BIN1: variants seen among roughly 807,000 people sequenced by gnomAD.
BIN1 encodes bridging integrator 1.
In BIN1, 53 loss-of-function variants were observed where a neutral mutation model predicts 82.0. That is an observed-to-expected ratio of 0.65 (90% CI 0.52 to 0.81). The LOEUF (loss-of-function observed/expected upper bound fraction) is 0.81. BIN1 is among the 40% of genes least tolerant of loss of function. The pLI is 0.00. For synonymous variants in BIN1, 302 were observed against 328.0 expected (o/e 0.92, Z 0.86); for missense variants, 642 against 784.4 (o/e 0.82, Z 2.17).
chr2:127,063,806 T>G, intron 8 of BIN1, 127 bp downstream of exon 8: 4 of 1,430,556 alleles, frequency 2.8e-6, no homozygotes, highest in Non-Finnish European at 3.9e-6. Flanking sequence ...GCACACAGGC[T>G]GGGCACCGCA....
intron 1 of BIN1, among the ~76,000 whole-genome samples, chr2:127,083,119 C>G (rs1240542722): frequency 6.9e-6 from 1 of 145,078 alleles, no homozygotes; most frequent in African/African-American, 2.6e-5. Flanking sequence ...TCTTTTCTTG[C>G]TATGTCGTCC....
intron 5 of BIN1, 30 bp downstream of exon 5, chr2:127,069,965 G>A: frequency 6.2e-7 from 1 of 1,606,214 alleles, no homozygotes; most frequent in Non-Finnish European, 8.5e-7. Context: ...CCAGGCCAGA[G>A]CAGGGCAGAT....
Position 127,051,250 on chromosome 2 carries a change from C to A in BIN1, c.1372-7G>T, listed in dbSNP as rs777558116. The A allele has an allele frequency of 1.6e-5, 26 of 1,613,562 alleles. No individual in the cohort carries two copies. In the Admixed American group the frequency reaches 4.3e-4, roughly 27 times the overall value. The stretch of plus-strand genomic sequence containing the variant: ...CCTCCGAGGCCTCTGCTGGCTGCAA[C>A]ATAAATGCCGGCTTGGGGTCAGACA... On this transcript the variant is annotated splice_polypyrimidine_tract_variant and splice_region_variant and intron_variant, in intron 15 of 18. Coordinates refer to ENST00000316724, the MANE Select transcript of BIN1 (RefSeq NM_139343.3).
intron 1 of BIN1, among the ~76,000 whole-genome samples, chr2:127,100,690 G>A (rs1229868055): frequency 6.6e-6 from 1 of 152,096 alleles, no homozygotes; most frequent in Admixed American, 6.5e-5. Flanking sequence ...TTCTCTCCTC[G>A]GCTCCCCAGC....
chr2:127,057,650 C>T lies in BIN1; in HGVS notation c.1003-49G>A, dbSNP rs779741873. ...GGCCGCGCGGGAAGGCACAGCAGAG[C>T]ACGGGGTTTGGGGGAGACAGACAGA... On this transcript the variant is annotated intron_variant, in intron 11 of 18. Coordinates refer to ENST00000316724, the MANE Select transcript of BIN1 (RefSeq NM_139343.3). The surrounding 1 kb of genome is among the most constrained non-coding windows in gnomAD (Gnocchi z 5.0). 6.8e-7 allele frequency: 1 copy of T among 1,471,320 alleles called. No individual in the cohort carries two copies. 91.1% of individuals were successfully genotyped at this position (1,471,320 alleles called of 1,614,324 possible).
Position 127,067,064 on chromosome 2 carries a change from C to T in BIN1, c.612+1099G>A, listed in dbSNP as rs1317580177. ...CCAGCCAGGGGAACGGAGAGAAACC[C>T]GTTCAAAAAAAAAAAAAAAATAGAA... On this transcript the variant is annotated intron_variant, in intron 7 of 18. Coordinates refer to ENST00000316724, the MANE Select transcript of BIN1 (RefSeq NM_139343.3). This position sits in a 1 kb window ranked among gnomAD's most constrained non-coding sequence, Gnocchi z 4.7. Among the ~76,000 whole-genome samples, 3 of 115,406 alleles carry T rather than the reference C, an allele frequency of 2.6e-5. No homozygotes were observed. Among genetic ancestry groups the T allele is most frequent in the Admixed American group, 1.5e-4 (2 of 12,918 alleles). The allele number at this position is 115,406 out of a possible 152,430, so 75.7% of individuals were successfully genotyped here. A position where few individuals can be genotyped will look rare whatever the true frequency, so the allele number is the denominator to read the frequency against.
intron 2 of BIN1, among the ~76,000 whole-genome samples, chr2:127,073,807 G>A (rs1316979084): frequency 6.6e-6 from 1 of 152,176 alleles, no homozygotes; most frequent in African/African-American, 2.4e-5. Flanking sequence ...CGGACCCTAG[G>A]AAGAAGAGCT....
rs1414423215 is a variant in BIN1 at position 127,053,890 on chromosome 2, G to A, written c.1239+15C>T. The A allele has an allele frequency of 1.9e-6, 3 of 1,549,656 alleles. No individual in the cohort carries two copies. Among genetic ancestry groups the A allele is most frequent in the Non-Finnish European group, 2.6e-6 (3 of 1,145,986 alleles). ...GAAGCTGGTGGGCCCATGGGCAGTG[G>A]TGGGCACAACCAACCTGACCAGAGG... On this transcript the variant is annotated intron_variant, in intron 13 of 18. Transcript: ENST00000316724.
intron 11 of BIN1, 64 bp downstream of exon 11, chr2:127,058,947 C>T: frequency 1.9e-6 from 3 of 1,545,074 alleles, no homozygotes; most frequent in Non-Finnish European, 2.6e-6. Context: ...GGATGGAGGA[C>T]AACAGCAAAG....
At position 127,048,561 on chromosome 2, in the gene BIN1, C is replaced by A. The variant is rs759691190; in HGVS notation, c.1747G>T (p.Val583Phe). ...QHKELEKCRG[V>F]FPENFTERVP Reference sequence around the variant, plus strand: ...CTCTCAGTGAAGTTCTCGGGGAAGACGCCACGGCACTTCTCCAGCTCCTTG... The same window carrying A: ...CTCTCAGTGAAGTTCTCGGGGAAGAAGCCACGGCACTTCTCCAGCTCCTTG... Residue 583 changes from valine (V) to phenylalanine (F), a missense_variant, in exon 19 of 19, where the codon GTC becomes TTC. Val to Phe is a conservative substitution (Grantham distance 50). Coordinates refer to ENST00000316724, the MANE Select transcript of BIN1 (RefSeq NM_139343.3). 13 of 1,613,942 alleles carry A rather than the reference C, an allele frequency of 8.1e-6. No homozygotes were observed. Among genetic ancestry groups the A allele is most frequent in the Non-Finnish European group, 1.0e-5 (12 of 1,180,036 alleles).
At chr2:127,062,286 C>CCCCA in intron 9 of BIN1, 89 bp from the exon 10 acceptor site, 3 of 1,261,632 alleles carry the variant, frequency 2.4e-6, no homozygotes, top group Non-Finnish European at 3.4e-6. Context: ...TCCCCACCAC[C>CCCCA]CCCAGCCCCT....
intron 1 of BIN1, among the ~76,000 whole-genome samples, chr2:127,102,178 T>C (rs1054221674): frequency 6.6e-6 from 1 of 152,164 alleles, no homozygotes; most frequent in Non-Finnish European, 1.5e-5. Flanking sequence ...ATGCTGTTCC[T>C]TACAGAGATA....
chr2:127,050,475 C>A lies in BIN1; in HGVS notation c.1620G>T (p.Gln540His), dbSNP rs561244491. 9 of 1,614,250 alleles carry A rather than the reference C, an allele frequency of 5.6e-6. No homozygotes were observed. In the African/African-American group the frequency reaches 1.2e-4, roughly 22 times the overall value. ...DYTATDTDEL[Q>H]LKAGDVVLVI... ...CCAGCACCACATCACCAGCCTTGAG[C>A]TGCAGCTCGTCTGTGTCAGTGGCCG... is the stretch of plus-strand genomic sequence containing the variant. Residue 540 changes from glutamine (Q) to histidine (H), a missense_variant, in exon 18 of 19, where the codon CAG becomes CAT. Coordinates refer to ENST00000316724, the MANE Select transcript of BIN1 (RefSeq NM_139343.3).
chr2:127,067,227 C>T lies in BIN1; in HGVS notation c.612+936G>A, dbSNP rs957483986. On this transcript the variant is annotated intron_variant, in intron 7 of 18. Coordinates refer to ENST00000316724, the MANE Select transcript of BIN1 (RefSeq NM_139343.3). This position sits in a 1 kb window ranked among gnomAD's most constrained non-coding sequence, Gnocchi z 4.7. ...CAGAGAGAAACCCAACCTCCGGGGC[C>T]GGGCCCCTATCGCCAGCCTCTCGGG... 5.3e-5 allele frequency among the ~76,000 whole-genome samples: 8 copies of T among 152,134 alleles called. No individual in the cohort carries two copies. Among genetic ancestry groups the T allele is most frequent in the East Asian group, 1.9e-4 (1 of 5,180 alleles).
rs890054147 is a variant in BIN1 at position 127,052,117 on chromosome 2, C to G, written c.1371+138G>C. Reference sequence around the variant, plus strand: ...GGTGACAAGCCCGTGCTGGGGCAGCCTAGCTCAGGACCCTGTCCTCACCCT... The same window carrying G: ...GGTGACAAGCCCGTGCTGGGGCAGCGTAGCTCAGGACCCTGTCCTCACCCT... On this transcript the variant is annotated intron_variant, in intron 15 of 18. Coordinates refer to ENST00000316724, the MANE Select transcript of BIN1 (RefSeq NM_139343.3). 4.1e-6 allele frequency: 4 copies of G among 971,592 alleles called. No individual in the cohort carries two copies. The African/African-American group carries it at 6.4e-5, about 16-fold the overall frequency. 60.2% of individuals were successfully genotyped at this position (971,592 alleles called of 1,614,324 possible). A position where few individuals can be genotyped will look rare whatever the true frequency, so the allele number is the denominator to read the frequency against.
Position 127,076,637 on chromosome 2 carries a change from T to C in BIN1, c.154A>G (p.Asn52Asp). ...EQFEQCVQNF[N>D]KQLTEGTRLQ... The stretch of plus-strand genomic sequence containing the variant: ...CCACCCACACTCACCAGCTGCTTGT[T>C]GAAATTCTGGACGCACTGCTCAAAC... The change falls in exon 2 of 19, where the codon AAC (asparagine) becomes GAC (aspartate). Residue 52 changes from asparagine (N) to aspartate (D), a missense_variant. Physicochemically the swap from Asn to Asp is conservative, Grantham distance 23. Coordinates refer to ENST00000316724, the MANE Select transcript of BIN1 (RefSeq NM_139343.3). The C allele has an allele frequency of 1.2e-6, 2 of 1,614,120 alleles. No individual in the cohort carries two copies. The highest frequency in any genetic ancestry group is 1.7e-6 in the Non-Finnish European group (2 of 1,180,020).
Position 127,061,979 on chromosome 2 carries a change from G to A in BIN1, c.857+136C>T, listed in dbSNP as rs997742874. 4 of 939,978 alleles carry A rather than the reference G, an allele frequency of 4.3e-6. No homozygotes were observed. In the African/African-American group the frequency reaches 4.9e-5, roughly 12 times the overall value. The allele number at this position is 939,978 out of a possible 1,614,324, so 58.2% of individuals were successfully genotyped here. On this transcript the variant is annotated intron_variant, in intron 10 of 18. Coordinates refer to ENST00000316724, the MANE Select transcript of BIN1 (RefSeq NM_139343.3). ...CACCTGCCTCCCTGAGCACAGAGAG[G>A]CCAAGACAGGAAGGTCCCTAGACCC...
At chr2:127,083,078 CTTTTTT>C (rs112344101) in intron 1 of BIN1, among the ~76,000 whole-genome samples, 1 of 142,876 alleles carries the variant, frequency 7.0e-6, no homozygotes, top group Non-Finnish European at 1.5e-5. Context: ...TTGCTTTTTT[CTTTTTT>C]TTTTTTTCTT....
intron 1 of BIN1, among the ~76,000 whole-genome samples, chr2:127,106,208 G>A (rs934719489): frequency 7.0e-4 from 107 of 152,212 alleles, no homozygotes; most frequent in African/African-American, 2.5e-3. Flanking sequence ...TGGGGCGAGG[G>A]CACCTCCTTG....
Sources: gnomAD v4.1 joint callset for allele counts (sites outside exome capture counted in the v4.1 genomes callset) on GRCh38, gnomAD v4.1.1 for gene constraint, Gnocchi (gnomAD v3.1) non-coding constraint, MANE v1.5 for transcripts, NCBI Gene and HGNC (gene_info 2026-07-23, HGNC 2026-07-21) for gene names.